The following CASD1 variants were observed in gnomAD, a reference collection of about 807,000 sequenced individuals.
CASD1 encodes the protein N-acetylneuraminate (7)9-O-acetyltransferase.
Under a neutral mutation model 100.0 loss-of-function variants are expected in CASD1, and 41 were observed. The observed-to-expected ratio is 0.41, with a 90% CI of 0.32 to 0.53. CASD1 has a LOEUF of 0.53. CASD1 is among the 20% of genes least tolerant of loss of function. The pLI, the probability that CASD1 is intolerant of heterozygous loss-of-function variation, is 0.25. For missense variants in CASD1, 774 were observed against 948.7 expected (o/e 0.82, Z 2.42); for synonymous variants, 321 against 315.6 (o/e 1.02, Z -0.18).
intron 3 of CASD1, among the ~76,000 whole-genome samples, chr7:94,526,327 C>G (rs893624139): frequency 1.3e-5 from 2 of 152,216 alleles, no homozygotes; most frequent in African/African-American, 4.8e-5. Flanking sequence ...CTTCCTTAGT[C>G]TGTGCATCAG....
At chr7:94,601,018 A>G in the CASD1 span, among the ~76,000 whole-genome samples, 3 of 152,326 alleles carry the variant, frequency 2.0e-5, no homozygotes, top group Middle Eastern at 3.4e-3. Context: ...TATTGGAGGT[A>G]GGGAATGTAA....
At chr7:94,564,067 A>G in the CASD1 span, among the ~76,000 whole-genome samples, 4 of 117,656 alleles carry the variant, frequency 3.4e-5, no homozygotes, top group African/African-American at 5.0e-5. Context: ...TCTTCAGACT[A>G]TTTTATGACA....
chr7:94,558,404 A>G (rs1796277922), downstream of CASD1, among the ~76,000 whole-genome samples: 1 of 152,194 alleles, frequency 6.6e-6, no homozygotes, highest in African/African-American at 2.4e-5. Flanking sequence ...ACAGGAGATT[A>G]GGTAGTATTG....
At chr7:94,594,126 A>T in the CASD1 span, among the ~76,000 whole-genome samples, 4 of 152,056 alleles carry the variant, frequency 2.6e-5, no homozygotes, top group African/African-American at 9.7e-5. Flanking sequence ...CATTTAAATA[A>T]TTAGAAAGGG....
chr7:94,517,467 T>A (rs1794035953), intron 1 of CASD1, 93 bp from the exon 2 acceptor site: 6 of 734,782 alleles, frequency 8.2e-6, no homozygotes. Flanking sequence ...AAAACTCTAC[T>A]TTTTTATTTC....
At chr7:94,595,330 G>A in the CASD1 span, among the ~76,000 whole-genome samples, 11 of 152,250 alleles carry the variant, frequency 7.2e-5, no homozygotes, top group African/African-American at 2.4e-4. Context: ...TTGAAAGAAA[G>A]CTTTGAATAT....
chr7:94,586,865 A>G, the CASD1 span: 1 of 985,264 alleles, frequency 1.0e-6, no homozygotes, highest in Middle Eastern at 5.2e-4. Flanking sequence ...ATAAAAAAAA[A>G]TGCTAGGGTG....
chr7:94,512,949 AGTCT>A (rs1164880465), intron 1 of CASD1, among the ~76,000 whole-genome samples: 2 of 152,244 alleles, frequency 1.3e-5, no homozygotes, highest in Non-Finnish European at 2.9e-5. Flanking sequence ...CTTATGTTAC[AGTCT>A]GTCTTTCTCA....
At chr7:94,622,335 A>C in the CASD1 span, 1 of 152,166 alleles carries the variant, frequency 6.6e-6, no homozygotes, top group African/African-American at 2.4e-5. Flanking sequence ...GATTTATACA[A>C]TTCAACTACA....
At chr7:94,543,425 G>A (rs544749393) in intron 10 of CASD1, among the ~76,000 whole-genome samples, 9 of 152,212 alleles carry the variant, frequency 5.9e-5, no homozygotes, top group South Asian at 2.1e-4. Context: ...AGGCCGAGGC[G>A]GGTAGATCAC....
chr7:94,614,083 A>C, the CASD1 span, among the ~76,000 whole-genome samples: 1 of 138,112 alleles, frequency 7.2e-6, no homozygotes, highest in Non-Finnish European at 1.5e-5. Context: ...TTGGCACTTA[A>C]TTTTCTTGTA....
At chr7:94,554,061 G>C (rs1452242295) in intron 16 of CASD1, 2 of 153,866 alleles carry the variant, frequency 1.3e-5, no homozygotes, top group Non-Finnish European at 1.4e-5. Context: ...GGCTGTCAGC[G>C]GAAGGAGGAT....
chr7:94,515,435 G>A (rs545740784), intron 1 of CASD1, among the ~76,000 whole-genome samples: 11 of 149,724 alleles, frequency 7.3e-5, no homozygotes, highest in Admixed American at 1.3e-4. Context: ...TTTTTGATAC[G>A]GGTTCATCAG....
At chr7:94,547,951 TC>T (rs1228955729) in intron 13 of CASD1, among the ~76,000 whole-genome samples, 3 of 151,832 alleles carry the variant, frequency 2.0e-5, no homozygotes, top group Non-Finnish European at 4.4e-5. Flanking sequence ...GTTTTTTTTT[TC>T]TTTTTGTAGA....
At chr7:94,523,583 A>G (rs1221665209) in intron 3 of CASD1, among the ~76,000 whole-genome samples, 1 of 152,226 alleles carries the variant, frequency 6.6e-6, no homozygotes, top group Non-Finnish European at 1.5e-5. Flanking sequence ...AATATAATAT[A>G]CTGTTTCCTT....
chr7:94,538,011 A>G, intron 9 of CASD1, 117 bp downstream of exon 9: 2 of 646,878 alleles, frequency 3.1e-6, no homozygotes, highest in Non-Finnish European at 5.2e-6. Flanking sequence ...AGAGATGAAG[A>G]TGAAGGAAGA....
chr7:94,554,265 AT>A (rs1329487521), intron 16 of CASD1: 3 of 377,920 alleles, frequency 7.9e-6, no homozygotes, highest in Non-Finnish European at 1.4e-5. Context: ...TAAAATGTTC[AT>A]TGGTATGCAG....
At chr7:94,541,213 C>T (rs1443131513) in intron 10 of CASD1, among the ~76,000 whole-genome samples, 1 of 151,888 alleles carries the variant, frequency 6.6e-6, no homozygotes, top group African/African-American at 2.4e-5. Context: ...TTATAACAAA[C>T]ATATTTGGGG....
At chr7:94,542,637 A>G (rs551536293) in intron 10 of CASD1, among the ~76,000 whole-genome samples, 1 of 152,268 alleles carries the variant, frequency 6.6e-6, no homozygotes, top group East Asian at 1.9e-4. Context: ...TTAGGTTTCA[A>G]CTTTTCATGA....
Sources: allele counts gnomAD v4.1 joint callset (sites outside exome capture counted in the v4.1 genomes callset), GRCh38; gene constraint gnomAD v4.1.1; transcripts MANE v1.5; gene names NCBI Gene and HGNC (gene_info 2026-07-23, HGNC 2026-07-21).